CNTN5: variants seen among roughly 807,000 people sequenced by gnomAD.
CNTN5 encodes the protein contactin-5.
Under a neutral mutation model 129.1 loss-of-function variants are expected in CNTN5, and 77 were observed. The observed-to-expected ratio is 0.60, with a 90% CI of 0.50 to 0.72. The LOEUF (loss-of-function observed/expected upper bound fraction) is 0.72, where lower values mean the gene tolerates loss of function less well. Among genes scored for constraint, CNTN5 ranks in the 30% least tolerant of loss-of-function variants. The probability of loss-of-function intolerance (pLI) is 0.00; values close to 1 mark genes in which losing one functional copy is unlikely to be tolerated. For missense variants in CNTN5, 1,478 were observed against 1,328.8 expected, an observed-to-expected ratio of 1.11 and a Z score of -1.75; for synonymous variants, 509 against 465.6, an observed-to-expected ratio of 1.09 and a Z score of -1.20.
At chr11:100,073,247 G>A (rs1403603487) in intron 12 of CNTN5, among the ~76,000 whole-genome samples, 2 of 151,790 alleles carry the variant, frequency 1.3e-5, no homozygotes, top group African/African-American at 2.4e-5. Context: ...GGGTTTCACC[G>A]TGTTGGCCAG....
intron 1 of CNTN5, among the ~76,000 whole-genome samples, chr11:99,229,601 G>A (rs1591387451): frequency 6.6e-6 from 1 of 150,910 alleles, no homozygotes; most frequent in Admixed American, 6.6e-5. Context: ...TTATTTCCAG[G>A]AAAGAAGCCG....
At chr11:99,179,468 AT>A (rs2135560236) in intron 1 of CNTN5, among the ~76,000 whole-genome samples, 1 of 152,284 alleles carries the variant, frequency 6.6e-6, no homozygotes, top group East Asian at 1.9e-4. Context: ...TAAATAAAAA[AT>A]AAACAAAAAC....
rs139077554 is a variant in CNTN5, at chr11:99,764,840, C to T, written c.56-54704C>T. Among the ~76,000 whole-genome samples, 316 of 152,172 alleles carry T rather than the reference C, an allele frequency of 2.1e-3. 1 individual carries two copies. Among genetic ancestry groups the T allele is most frequent in the Admixed American group, 4.1e-3 (62 of 15,262 alleles). Reference sequence around the variant, plus strand: ...ATCCAGATTTCACGTGCCTAGTAAACGCATATGGCTGTAGCATCCTTATTT... The same window carrying T: ...ATCCAGATTTCACGTGCCTAGTAAATGCATATGGCTGTAGCATCCTTATTT... On this transcript the variant is annotated intron_variant, in intron 3 of 24. Transcript: ENST00000524871.
chr11:99,492,023 T>G (rs1224422885), intron 2 of CNTN5, among the ~76,000 whole-genome samples: 1 of 152,116 alleles, frequency 6.6e-6, no homozygotes, highest in Non-Finnish European at 1.5e-5. Flanking sequence ...TGTTGAAGGC[T>G]CATTTTTAGT....
intron 8 of CNTN5, among the ~76,000 whole-genome samples, chr11:99,971,403 C>T (rs1261030142): frequency 2.0e-5 from 3 of 151,816 alleles, no homozygotes; most frequent in Non-Finnish European, 4.4e-5. Flanking sequence ...ATTAGCTGGG[C>T]GTGGTGGTGC....
chr11:99,380,163 T>A (rs1403966260), intron 2 of CNTN5, among the ~76,000 whole-genome samples: 1 of 151,854 alleles, frequency 6.6e-6, no homozygotes, highest in Non-Finnish European at 1.5e-5. Flanking sequence ...AAGTCAGTAT[T>A]CCTGTGGCCA....
chr11:100,286,104 T>C (rs1950781909), intron 18 of CNTN5, among the ~76,000 whole-genome samples: 3 of 152,330 alleles, frequency 2.0e-5, no homozygotes, highest in Admixed American at 2.0e-4. Context: ...GGGAGGGTCC[T>C]ACGCCCACGG....
At chr11:100,331,377 A>G (rs1464907883) in intron 21 of CNTN5, among the ~76,000 whole-genome samples, 4 of 152,146 alleles carry the variant, frequency 2.6e-5, no homozygotes, top group East Asian at 1.9e-4. Flanking sequence ...TGACAACACA[A>G]TAACAGTGGG....
At chr11:100,242,575 G>A (rs1281756357) in intron 16 of CNTN5, among the ~76,000 whole-genome samples, 1 of 152,142 alleles carries the variant, frequency 6.6e-6, no homozygotes, top group African/African-American at 2.4e-5. Flanking sequence ...GCCAGAGCAG[G>A]AGTAAGAGAG....
intron 6 of CNTN5, among the ~76,000 whole-genome samples, chr11:99,896,851 G>A (rs1481542214): frequency 9.2e-5 from 14 of 152,150 alleles, no homozygotes; most frequent in African/African-American, 3.4e-4. Flanking sequence ...CCACGTCACA[G>A]CTGCCCTGCC....
intron 18 of CNTN5, among the ~76,000 whole-genome samples, chr11:100,287,148 G>T (rs964204240): frequency 1.3e-5 from 2 of 152,226 alleles, no homozygotes; most frequent in South Asian, 2.1e-4. Flanking sequence ...ACCTGAAAGT[G>T]TTGGGGAGAA....
chr11:99,968,656 C>CTCTTTTTTTTTTTTTTTTTTTTT (rs1951161575), intron 8 of CNTN5, among the ~76,000 whole-genome samples: 1 of 73,870 alleles, frequency 1.4e-5, no homozygotes, highest in African/African-American at 4.8e-5. Context: ...GCTTTGGGTA[C>CTCTTTTTTTTTTTTTTTTTTTTT]TTTTTTTTTT....
intron 8 of CNTN5, among the ~76,000 whole-genome samples, chr11:99,957,218 A>G (rs1049510320): frequency 1.3e-5 from 2 of 152,180 alleles, no homozygotes; most frequent in African/African-American, 4.8e-5. Flanking sequence ...TGGTTGAGAA[A>G]TATTCACCAT....
intron 9 of CNTN5, among the ~76,000 whole-genome samples, chr11:100,036,289 A>G (rs917346678): frequency 4.0e-5 from 6 of 151,778 alleles, no homozygotes; most frequent in African/African-American, 1.5e-4. Flanking sequence ...GATATGCGGC[A>G]TTATTTCTGA....
In CNTN5 at chr11:100,236,657, C is replaced by T. The variant is rs1591423223; in HGVS notation, c.2005+11845C>T. On this transcript the variant is annotated intron_variant, in intron 16 of 24. Coordinates refer to ENST00000524871, the MANE Select transcript of CNTN5 (RefSeq NM_014361.4). Reference sequence around the variant, plus strand: ...GTGTGTTTCAGTCTCCACTAGCTGACATGCTCCTATAAGTTCCCCGACTGT... The same window carrying T: ...GTGTGTTTCAGTCTCCACTAGCTGATATGCTCCTATAAGTTCCCCGACTGT... 4.6e-5 allele frequency among the ~76,000 whole-genome samples: 7 copies of T among 152,220 alleles called. No homozygotes were observed. The South Asian group carries it at 1.5e-3, about 32-fold the overall frequency.
intron 1 of CNTN5, among the ~76,000 whole-genome samples, chr11:99,235,731 A>G (rs1176672873): frequency 6.6e-6 from 1 of 152,188 alleles, no homozygotes; most frequent in Non-Finnish European, 1.5e-5. Flanking sequence ...AATTATATTC[A>G]CTTAGTAGAT....
At chr11:99,390,112 A>C (rs1353361677) in intron 2 of CNTN5, among the ~76,000 whole-genome samples, 1 of 141,582 alleles carries the variant, frequency 7.1e-6, no homozygotes, top group Non-Finnish European at 1.5e-5. Flanking sequence ...CTTGTTCTCA[A>C]ATAAAAAATA....
chr11:99,121,520 A>T (rs1858327719), intron 1 of CNTN5, among the ~76,000 whole-genome samples: 1 of 152,194 alleles, frequency 6.6e-6, no homozygotes, highest in African/African-American at 2.4e-5. Flanking sequence ...CAAATGTAGG[A>T]TTATTGGGTT....
At chr11:99,881,196 A>G (rs182551138) in intron 6 of CNTN5, among the ~76,000 whole-genome samples, 3 of 152,298 alleles carry the variant, frequency 2.0e-5, no homozygotes, top group Admixed American at 2.0e-4. Context: ...TCTAGGAACA[A>G]GAGCTGCTGG....
Sources: allele counts gnomAD v4.1 joint callset (sites outside exome capture counted in the v4.1 genomes callset), GRCh38; gene constraint gnomAD v4.1.1; transcripts MANE v1.5; gene names NCBI Gene and HGNC (gene_info 2026-07-23, HGNC 2026-07-21).